Variants in CRADD observed in about 807,000 individuals in gnomAD.
The protein encoded by CRADD is death domain-containing protein CRADD.
In CRADD, 9 loss-of-function variants were observed where a neutral mutation model predicts 15.5. The ratio of observed to expected loss-of-function variants is 0.58; its 90% CI spans 0.35 to 1.01. The LOEUF (loss-of-function observed/expected upper bound fraction) is 1.01. Among genes scored for constraint, CRADD ranks in the 50% least tolerant of loss-of-function variants. The probability of loss-of-function intolerance (pLI) is 0.02; values close to 1 mark genes in which losing one functional copy is unlikely to be tolerated. For synonymous variants in CRADD, 118 were observed against 107.6 expected (o/e 1.10, Z -0.60); for missense variants, 227 against 250.3 (o/e 0.91, Z 0.63).
At chr12:93,745,698 C>T (rs1956738521) in intron 2 of CRADD, among the ~76,000 whole-genome samples, 1 of 152,118 alleles carries the variant, frequency 6.6e-6, no homozygotes, top group Admixed American at 6.5e-5. Flanking sequence ...TGTTGTTTCT[C>T]CTAATTTGTG....
At chr12:93,844,393 G>C (rs1958088141) in intron 2 of CRADD, among the ~76,000 whole-genome samples, 1 of 152,148 alleles carries the variant, frequency 6.6e-6, no homozygotes, top group Non-Finnish European at 1.5e-5. Flanking sequence ...AGGTCAGACA[G>C]CACAAACAGC....
At chr12:93,869,239 A>C (rs568540311) in intron 2 of CRADD, among the ~76,000 whole-genome samples, 1 of 152,324 alleles carries the variant, frequency 6.6e-6, no homozygotes, top group African/African-American at 2.4e-5. Flanking sequence ...CAAAGCCTAG[A>C]AACAAGCCTA....
At chr12:93,713,101 G>C (rs1956102921) in intron 2 of CRADD, among the ~76,000 whole-genome samples, 1 of 151,948 alleles carries the variant, frequency 6.6e-6, no homozygotes, top group Non-Finnish European at 1.5e-5. Flanking sequence ...CAGTTTTTCA[G>C]TTGGGGTACA....
rs560690608 is a variant in CRADD, at chr12:93,818,180, A to G, written c.299-31790A>G. On this transcript the variant is annotated intron_variant, in intron 2 of 2. Transcript: ENST00000332896. Reference sequence around the variant, plus strand: ...CGAACATGCATGCTTGCAGGTCAGCATATTTTTCTCTCTGTGGAAAACCTT... The same window carrying G: ...CGAACATGCATGCTTGCAGGTCAGCGTATTTTTCTCTCTGTGGAAAACCTT... Among the ~76,000 whole-genome samples the G allele has an allele frequency of 8.5e-5, 13 of 152,336 alleles. No homozygotes were observed. In the South Asian group the frequency reaches 2.7e-3, roughly 32 times the overall value.
chr12:93,885,340 C>T (rs749218501), intron 2 of CRADD, among the ~76,000 whole-genome samples: 3 of 152,148 alleles, frequency 2.0e-5, no homozygotes, highest in Non-Finnish European at 2.9e-5. Context: ...TAAAGAAATA[C>T]AAACACAGGA....
At chr12:93,738,567 C>T (rs1956620459) in intron 2 of CRADD, 1 of 678,450 alleles carries the variant, frequency 1.5e-6, no homozygotes, top group Non-Finnish European at 2.7e-6. Context: ...CCTGCCTCAC[C>T]CCGCTCCCAC....
At chr12:93,839,442 T>C (rs1050615937) in intron 2 of CRADD, among the ~76,000 whole-genome samples, 2 of 152,206 alleles carry the variant, frequency 1.3e-5, no homozygotes, top group Non-Finnish European at 2.9e-5. Flanking sequence ...ACATGTCCCT[T>C]ACAGGTCTTT....
chr12:93,765,265 G>A (rs1957015313), intron 2 of CRADD, among the ~76,000 whole-genome samples: 1 of 152,098 alleles, frequency 6.6e-6, no homozygotes, highest in Admixed American at 6.5e-5. Context: ...GAGAGGTCAA[G>A]GGGGAGTTAC....
chr12:93,748,419 T>G (rs1956790648), intron 2 of CRADD, among the ~76,000 whole-genome samples: 1 of 152,162 alleles, frequency 6.6e-6, no homozygotes, highest in Admixed American at 6.5e-5. Context: ...GATTCCCCCC[T>G]GCTTCAGCCT....
chr12:93,827,615 G>T (rs141000047), intron 2 of CRADD, among the ~76,000 whole-genome samples: 102 of 152,224 alleles, frequency 6.7e-4, no homozygotes, highest in Non-Finnish European at 1.3e-3. Context: ...TATGTTTAAC[G>T]TGTTAAGTGA....
Position 93,808,693 on chromosome 12 carries a change from A to G in CRADD, c.299-41277A>G, listed in dbSNP as rs192331091. Reference sequence around the variant, plus strand: ...AGCTCTTTGTGGCTTCAGTTGATACATTTCAGTCCCCAATCACCTCTGAGT... The same window carrying G: ...AGCTCTTTGTGGCTTCAGTTGATACGTTTCAGTCCCCAATCACCTCTGAGT... On this transcript the variant is annotated intron_variant, in intron 2 of 2. Transcript: ENST00000332896. Among the ~76,000 whole-genome samples, 23 of 152,082 alleles carry G rather than the reference A, an allele frequency of 1.5e-4. No homozygotes were observed. In the East Asian group the frequency reaches 4.1e-3, roughly 27 times the overall value.
chr12:93,811,057 C>G lies in CRADD; in HGVS notation c.299-38913C>G, dbSNP rs919234468. On this transcript the variant is annotated intron_variant, in intron 2 of 2. Transcript: ENST00000332896. ...TCAGTGACTTTTCCCTTAGCCCCCC[C>G]TCCTGGAACAGCCGGCTGCTGGTGG... 1.7e-4 allele frequency among the ~76,000 whole-genome samples: 25 copies of G among 149,916 alleles called. 1 individual carries two copies. In the South Asian group the frequency reaches 3.8e-3, roughly 23 times the overall value.
At chr12:93,750,548 A>G (rs928639237) in intron 2 of CRADD, among the ~76,000 whole-genome samples, 1 of 152,204 alleles carries the variant, frequency 6.6e-6, no homozygotes, top group Non-Finnish European at 1.5e-5. Flanking sequence ...AAAAATTCTA[A>G]ATTACATACA....
chr12:93,833,775 CT>C (rs1957939133), intron 2 of CRADD, among the ~76,000 whole-genome samples: 1 of 151,902 alleles, frequency 6.6e-6, no homozygotes, highest in East Asian at 1.9e-4. Context: ...TTTTTTCCCC[CT>C]CTATGGTTAA....
chr12:93,686,819 T>A (rs1388833919), intron 2 of CRADD, among the ~76,000 whole-genome samples: 1 of 152,210 alleles, frequency 6.6e-6, no homozygotes, highest in Non-Finnish European at 1.5e-5. Context: ...CTTTTTCTGC[T>A]GCGCAATCTT....
chr12:93,841,701 A>G (rs17194635), intron 2 of CRADD, among the ~76,000 whole-genome samples: 25,685 of 152,102 alleles, frequency 0.17, 2,755 homozygotes, highest in Non-Finnish European at 0.24. Flanking sequence ...GCTTGGCCAC[A>G]TATCTTGCTT....
intron 2 of CRADD, among the ~76,000 whole-genome samples, chr12:93,696,138 G>A (rs1410775446): frequency 6.6e-6 from 1 of 152,216 alleles, no homozygotes; most frequent in Non-Finnish European, 1.5e-5. Context: ...CATACTTGGT[G>A]AGAATGTGAA....
intron 2 of CRADD, among the ~76,000 whole-genome samples, chr12:93,814,683 T>C (rs1957671307): frequency 6.6e-6 from 1 of 152,164 alleles, no homozygotes; most frequent in Non-Finnish European, 1.5e-5. Context: ...ATTCTCCAGC[T>C]TCGCCTGCCA....
chr12:93,718,540 T>C (rs951924389), intron 2 of CRADD, among the ~76,000 whole-genome samples: 1 of 152,204 alleles, frequency 6.6e-6, no homozygotes. Context: ...GCTTATTAGT[T>C]CCAGGAATTT....
Sources: gnomAD v4.1 joint callset for allele counts (sites outside exome capture counted in the v4.1 genomes callset) on GRCh38, gnomAD v4.1.1 for gene constraint, MANE v1.5 for transcripts, NCBI Gene and HGNC (gene_info 2026-07-23, HGNC 2026-07-21) for gene names.